VPS13C: variants seen among roughly 807,000 people sequenced by gnomAD.
The protein encoded by VPS13C is vacuolar protein sorting 13 homolog C.
In VPS13C, 358 loss-of-function variants were observed where a neutral mutation model predicts 456.8. The observed-to-expected ratio is 0.78, with a 90% CI of 0.72 to 0.86. The LOEUF (loss-of-function observed/expected upper bound fraction) is 0.86. Ranked by LOEUF, VPS13C falls within the 40% of genes least tolerant of loss-of-function variation. The pLI is 0.00. For synonymous variants in VPS13C, 1,578 were observed against 1,486.7 expected, an observed-to-expected ratio of 1.06 and a Z score of -1.41; for missense variants, 4,818 against 4,385.4, an observed-to-expected ratio of 1.10 and a Z score of -2.79.
chr15:62,023,481 T>A lies in VPS13C; in HGVS notation c.554A>T (p.Lys185Ile), dbSNP rs1178601859. 1 of 1,587,208 alleles carries A rather than the reference T, an allele frequency of 6.3e-7. No homozygotes were observed. Among genetic ancestry groups the A allele is most frequent in the East Asian group, 2.3e-5 (1 of 43,970 alleles). The change falls in exon 8 of 85, where the codon AAA (lysine) becomes ATA (isoleucine). Residue 185 changes from lysine (K) to isoleucine (I), a missense_variant. Physicochemically the swap from Lys to Ile is moderately radical, Grantham distance 102 (BLOSUM62 -3). Transcript: ENST00000644861. Reference sequence around the variant, plus strand: ...ATTTTTTATTACTTGAGTTGCCAATTTTTCCACAAATGTATCCTTTTTGGC... The same window carrying A: ...ATTTTTTATTACTTGAGTTGCCAATATTTCCACAAATGTATCCTTTTTGGC... ...KEAKKDTFVE[K>I]LATQVIKNVQ...
chr15:62,057,084 T>C (rs1024557012), intron 1 of VPS13C, among the ~76,000 whole-genome samples: 22 of 152,124 alleles, frequency 1.4e-4, no homozygotes, highest in African/African-American at 5.3e-4. Flanking sequence ...TGTGTCTTTA[T>C]TTCTACACTC....
intron 63 of VPS13C, among the ~76,000 whole-genome samples, chr15:61,911,208 C>A (rs150710586): frequency 1.5e-4 from 23 of 152,306 alleles, no homozygotes; most frequent in Admixed American, 3.9e-4. Flanking sequence ...TCTTCTGGCA[C>A]ACATTCCCCC....
chr15:61,864,734 G>A (rs1457432879), intron 81 of VPS13C: 5 of 985,482 alleles, frequency 5.1e-6, no homozygotes, highest in Non-Finnish European at 6.0e-6. Context: ...TCTCAGAGAG[G>A]AGTGCAGATT....
intron 66 of VPS13C, among the ~76,000 whole-genome samples, chr15:61,902,282 A>T (rs1454699920): frequency 1.3e-5 from 2 of 149,204 alleles, no homozygotes; most frequent in African/African-American, 4.9e-5. Flanking sequence ...AAAAAACGTA[A>T]AAAAAAAAAT....
chr15:61,940,154 A>G (rs538500989), intron 47 of VPS13C, among the ~76,000 whole-genome samples: 2 of 152,064 alleles, frequency 1.3e-5, no homozygotes, highest in East Asian at 1.9e-4. Context: ...ATTCAAAATG[A>G]TATCACCTTT....
chr15:61,921,491 T>C (rs1013207709), intron 55 of VPS13C, among the ~76,000 whole-genome samples: 2 of 152,082 alleles, frequency 1.3e-5, no homozygotes, highest in African/African-American at 4.8e-5. Context: ...TCACTGAGTA[T>C]ACTAAAGAGC....
intron 10 of VPS13C, among the ~76,000 whole-genome samples, chr15:62,013,521 T>C (rs1205998570): frequency 6.6e-6 from 1 of 151,974 alleles, no homozygotes; most frequent in Non-Finnish European, 1.5e-5. Flanking sequence ...AGCTACATAC[T>C]AAATAGCCCT....
intron 49 of VPS13C, among the ~76,000 whole-genome samples, chr15:61,931,845 G>C (rs762546915): frequency 6.6e-6 from 1 of 151,944 alleles, no homozygotes; most frequent in Non-Finnish European, 1.5e-5. Flanking sequence ...CTCCCAAAGT[G>C]CTGGGATTAC....
chr15:61,912,198 A>G (rs1330322697), intron 62 of VPS13C, among the ~76,000 whole-genome samples, 194 bp from the exon 63 acceptor site: 1 of 152,206 alleles, frequency 6.6e-6, no homozygotes. Context: ...GCTCCATCAG[A>G]AACAATTCAA....
At chr15:61,874,056 T>C (rs559089143) in intron 77 of VPS13C, among the ~76,000 whole-genome samples, 118 of 152,076 alleles carry the variant, frequency 7.8e-4, no homozygotes, top group African/African-American at 2.7e-3. Context: ...GAGGACATTA[T>C]GTTAAGTGAA....
At chr15:62,040,111 A>G (rs151003113) in intron 3 of VPS13C, among the ~76,000 whole-genome samples, 1,709 of 152,302 alleles carry the variant, frequency 0.011, 31 homozygotes, top group African/African-American at 0.039. Flanking sequence ...CCAGGCACAA[A>G]TAGACAAGCT....
chr15:61,864,388 G>T, intron 81 of VPS13C: 1 of 902,718 alleles, frequency 1.1e-6, no homozygotes. Flanking sequence ...TATTAAAAAC[G>T]AGTTTTTTTA....
Position 61,961,650 on chromosome 15 carries a change from A to G in VPS13C, c.3847T>C (p.Tyr1283His). The G allele has an allele frequency of 6.2e-7, 1 of 1,613,804 alleles. No homozygotes were observed. The highest frequency in any genetic ancestry group is 1.1e-5 in the South Asian group (1 of 91,006). Residue 1283 changes from tyrosine (Y) to histidine (H), a missense_variant, in exon 35 of 85, where the codon TAC (tyrosine) becomes CAC (histidine). Tyr to His is a moderately conservative substitution (Grantham distance 83). Transcript: ENST00000644861. The part of the protein sequence containing the change: ...NQFSLVSDED[Y>H]LNPPVIDRMD... ...CTATCAATTACTGGAGGATTTAAGTAGTCTTCATCAGACACCAGACTGAAC... is the reference window on the plus strand; with the variant it reads ...CTATCAATTACTGGAGGATTTAAGTGGTCTTCATCAGACACCAGACTGAAC...
At chr15:62,021,710 A>G (rs78822825) in intron 8 of VPS13C, among the ~76,000 whole-genome samples, 4,712 of 152,048 alleles carry the variant, frequency 0.031, 117 homozygotes, top group Non-Finnish European at 0.048. Context: ...GAATAGCTTT[A>G]TAAGTCATTT....
rs180687039 is a variant in VPS13C at position 62,029,257 on chromosome 15, A to C, written c.386-837T>G. Among the ~76,000 whole-genome samples, 148 of 152,240 alleles carry C rather than the reference A, an allele frequency of 9.7e-4. 1 individual carries two copies. The highest frequency in any genetic ancestry group is 3.5e-3 in the African/African-American group (145 of 41,552). Reference sequence around the variant, plus strand: ...GGGTTAATTCATATAAAGTATTTTGAAGAGTGACTGCTGAATAGTAAATCC... The same window carrying C: ...GGGTTAATTCATATAAAGTATTTTGCAGAGTGACTGCTGAATAGTAAATCC... On this transcript the variant is annotated intron_variant, in intron 5 of 84. Coordinates refer to ENST00000644861, the MANE Select transcript of VPS13C (RefSeq NM_020821.3).
chr15:62,019,961 T>C (rs536075688), intron 9 of VPS13C, among the ~76,000 whole-genome samples: 10 of 146,278 alleles, frequency 6.8e-5, no homozygotes, highest in Admixed American at 2.1e-4. Context: ...TATATATATA[T>C]ACATATATAT....
intron 47 of VPS13C, among the ~76,000 whole-genome samples, chr15:61,938,446 T>C (rs2044301938): frequency 6.6e-6 from 1 of 152,128 alleles, no homozygotes; most frequent in African/African-American, 2.4e-5. Flanking sequence ...ATACCCTTTC[T>C]TGGCTGCATC....
intron 14 of VPS13C, 27 bp from the exon 15 acceptor site, chr15:62,007,506 A>T (rs2046893863): frequency 1.3e-6 from 2 of 1,534,426 alleles, no homozygotes; most frequent in South Asian, 1.3e-5. Context: ...GTTAACGTAA[A>T]TGTTAATATA....
chr15:61,859,376 T>G (rs1052362224), intron 82 of VPS13C, among the ~76,000 whole-genome samples: 2 of 152,004 alleles, frequency 1.3e-5, no homozygotes, highest in African/African-American at 4.8e-5. Context: ...AAAAATAAAA[T>G]AGCAGACTAT....
Sources: gnomAD v4.1 joint callset for allele counts (sites outside exome capture counted in the v4.1 genomes callset) on GRCh38, gnomAD v4.1.1 for gene constraint, MANE v1.5 for transcripts, NCBI Gene and HGNC (gene_info 2026-07-23, HGNC 2026-07-21) for gene names.